Variants in ATM observed in about 807,000 individuals in gnomAD.
ATM encodes the protein ATM serine/threonine kinase.
ATM carries 308 observed loss-of-function variants against 387.0 expected under a neutral mutation model. That is an observed-to-expected ratio of 0.80 (90% CI 0.73 to 0.87). The LOEUF (loss-of-function observed/expected upper bound fraction) is 0.87. ATM is among the 40% of genes least tolerant of loss of function. The pLI, the probability that ATM is intolerant of heterozygous loss-of-function variation, is 0.00. For missense variants in ATM, 3,312 were observed against 3,560.9 expected (o/e 0.93, Z 1.78); for synonymous variants, 1,156 against 1,187.3 (o/e 0.97, Z 0.54).
At position 108,332,746 on chromosome 11, in the gene ATM, T is replaced by C. The variant is rs1472109562; in HGVS notation, c.7789-16T>C. 1.2e-6 allele frequency: 2 copies of C among 1,609,924 alleles called. No individual in the cohort carries two copies. The highest frequency in any genetic ancestry group is 2.7e-5 in the African/African-American group (2 of 74,878). Reference sequence around the variant, plus strand: ...GGGTAGTTCCTTATGTAATGTTTTTTGTTTTTTATTAATAGGATCGAACAG... The same window carrying C: ...GGGTAGTTCCTTATGTAATGTTTTTCGTTTTTTATTAATAGGATCGAACAG... On this transcript the variant is annotated splice_polypyrimidine_tract_variant and intron_variant, in intron 52 of 62. Coordinates refer to ENST00000675843, the MANE Select transcript of ATM (RefSeq NM_000051.4).
At chr11:108,267,730 G>A (rs985783541) in intron 17 of ATM, among the ~76,000 whole-genome samples, 6 of 152,090 alleles carry the variant, frequency 3.9e-5, no homozygotes, top group African/African-American at 7.2e-5. Context: ...GGTGGCGGGC[G>A]CCTGTAGTCC....
intron 16 of ATM, among the ~76,000 whole-genome samples, chr11:108,261,573 C>G (rs1320526453): frequency 6.6e-6 from 1 of 152,058 alleles, no homozygotes; most frequent in Non-Finnish European, 1.5e-5. Flanking sequence ...AAAAGCAGAG[C>G]GCCTCTCCTC....
intron 38 of ATM, chr11:108,309,088 T>G: frequency 7.2e-7 from 1 of 1,388,902 alleles, no homozygotes. Flanking sequence ...AAAGTATGAA[T>G]GGGATATAGA....
chr11:108,288,027 C>A (rs1486990397), intron 27 of ATM, among the ~76,000 whole-genome samples: 1 of 151,878 alleles, frequency 6.6e-6, no homozygotes, highest in Non-Finnish European at 1.5e-5. Flanking sequence ...ACACATTATT[C>A]CTAGTTCTCT....
intron 3 of ATM, among the ~76,000 whole-genome samples, chr11:108,228,665 G>A (rs910107616): frequency 6.6e-6 from 1 of 152,134 alleles, no homozygotes; most frequent in Admixed American, 6.5e-5. Flanking sequence ...TTTTTCCTCT[G>A]ATTTTCTAGT....
At chr11:108,239,674 T>A (rs1337614111) in intron 5 of ATM, among the ~76,000 whole-genome samples, 1 of 152,198 alleles carries the variant, frequency 6.6e-6, no homozygotes, top group Non-Finnish European at 1.5e-5. Flanking sequence ...AATTGCTAGA[T>A]CATGTGGTAA....
chr11:108,255,601 T>A (rs964256038), intron 13 of ATM, among the ~76,000 whole-genome samples: 7 of 152,016 alleles, frequency 4.6e-5, no homozygotes, highest in Admixed American at 1.3e-4. Flanking sequence ...AATATTTGTA[T>A]TTTTAGTAGA....
At chr11:108,341,578 T>C (rs1348902426) in intron 56 of ATM, among the ~76,000 whole-genome samples, 1 of 152,122 alleles carries the variant, frequency 6.6e-6, no homozygotes, top group Non-Finnish European at 1.5e-5. Flanking sequence ...CACAAAACAG[T>C]TCAACATATG....
rs35963548 is a variant in ATM at position 108,251,060 on chromosome 11, G to T, written c.1595G>T (p.Cys532Phe). Residue 532 changes from cysteine (C) to phenylalanine (F), a missense_variant, in exon 10 of 63, where the codon TGC becomes TTC. Around this residue, in one of 4 missense-constraint regions of ATM, gnomAD observed 1,791 missense variants for 1,804.5 expected, o/e 0.99. Transcript: ENST00000675843. ...TGGAAGTTATTTACTGGGTCAGCCT[G>T]CAGACCTTCATGGTAAGTTCAGCAT... Reference protein sequence around the residue: ...EFWKLFTGSACRPSCPAVCCL... With the variant: ...EFWKLFTGSAFRPSCPAVCCL... The T allele has an allele frequency of 6.2e-7, 1 of 1,614,030 alleles. No homozygotes were observed. The highest frequency in any genetic ancestry group is 8.5e-7 in the Non-Finnish European group (1 of 1,180,000).
In ATM at chr11:108,325,285, A is replaced by G. The variant is rs760869811; in HGVS notation, c.6573-25A>G. 20 of 1,151,822 alleles carry G rather than the reference A, an allele frequency of 1.7e-5. No individual in the cohort carries two copies. Among genetic ancestry groups the G allele is most frequent in the East Asian group, 2.5e-5 (1 of 39,806 alleles). The allele number at this position is 1,151,822 out of a possible 1,614,324, so 71.4% of individuals were successfully genotyped here. A position where few individuals can be genotyped will look rare whatever the true frequency, so the allele number is the denominator to read the frequency against. On this transcript the variant is annotated intron_variant, in intron 45 of 62. Transcript: ENST00000675843. ...TTTTTTTTTCATTTCTCTTGCTTACATGAACTCTATGTCGTGGCATTCAGA... is the reference window on the plus strand; with the variant it reads ...TTTTTTTTTCATTTCTCTTGCTTACGTGAACTCTATGTCGTGGCATTCAGA...
At chr11:108,313,573 A>T (rs1303865361) in intron 40 of ATM, among the ~76,000 whole-genome samples, 1 of 152,064 alleles carries the variant, frequency 6.6e-6, no homozygotes, top group Non-Finnish European at 1.5e-5. Flanking sequence ...TGTTCTGTTT[A>T]CCTTTTTGAT....
In ATM at chr11:108,284,250, C is replaced by T. The variant is rs758405529; in HGVS notation, c.3770C>T (p.Pro1257Leu). 2.5e-6 allele frequency: 4 copies of T among 1,609,714 alleles called. No individual in the cohort carries two copies. Among genetic ancestry groups the T allele is most frequent in the Non-Finnish European group, 2.5e-6 (3 of 1,176,832 alleles). ...AGATCTTGTTATAAGGTTTTGATTC[C>T]ACATCTGGTGATTAGAAGTCATTTT... Reference protein sequence around the residue: ...FYRSCYKVLIPHLVIRSHFDE... With the variant: ...FYRSCYKVLILHLVIRSHFDE... Residue 1257 changes from proline (P) to leucine (L), a missense_variant, in exon 26 of 63, where the codon CCA becomes CTA. Physicochemically the swap from Pro to Leu is moderately conservative, Grantham distance 98 (BLOSUM62 -3). Around this residue, in one of 4 missense-constraint regions of ATM, gnomAD observed 1,791 missense variants for 1,804.5 expected, o/e 0.99. Coordinates refer to ENST00000675843, the MANE Select transcript of ATM (RefSeq NM_000051.4).
chr11:108,256,866 CATAGT>C (rs895129603), intron 14 of ATM, among the ~76,000 whole-genome samples: 4 of 152,144 alleles, frequency 2.6e-5, no homozygotes, highest in African/African-American at 9.7e-5. Context: ...TTTATGGCTG[CATAGT>C]ATATCATGGT....
intron 26 of ATM, among the ~76,000 whole-genome samples, chr11:108,286,335 A>G (rs919501552): frequency 1.3e-5 from 2 of 151,350 alleles, no homozygotes; most frequent in African/African-American, 4.8e-5. Flanking sequence ...AAAAAAAAAA[A>G]AAAGAATTGT....
intron 4 of ATM, 149 bp from the exon 5 acceptor site, chr11:108,235,521 C>A: frequency 2.9e-6 from 2 of 684,538 alleles, no homozygotes; most frequent in Non-Finnish European, 4.9e-6. Context: ...ATGAATTTTG[C>A]TTGGGGCCAT....
At chr11:108,320,566 T>TA (rs1231058200) in intron 44 of ATM, among the ~76,000 whole-genome samples, 7 of 152,360 alleles carry the variant, frequency 4.6e-5, no homozygotes, top group Non-Finnish European at 8.8e-5. Flanking sequence ...TAGCCACTGT[T>TA]AGACTCTTTT....
At position 108,331,369 on chromosome 11, in the gene ATM, A is replaced by C. The variant is rs142216104; in HGVS notation, c.7516-75A>C. The C allele has an allele frequency of 1.2e-5, 18 of 1,547,536 alleles. No individual in the cohort carries two copies. In the East Asian group the frequency reaches 3.4e-4, roughly 29 times the overall value. On this transcript the variant is annotated intron_variant, in intron 50 of 62. Coordinates refer to ENST00000675843, the MANE Select transcript of ATM (RefSeq NM_000051.4). ...GCTAATAGAGGAGCACTGTCTTAAA[A>C]TAACTTACTTGCTTAGATGTGAGAA...
At chr11:108,246,777 T>TA (rs2079867213) in intron 7 of ATM, among the ~76,000 whole-genome samples, 187 bp from the exon 8 acceptor site, 1 of 152,202 alleles carries the variant, frequency 6.6e-6, no homozygotes, top group Admixed American at 6.5e-5. Context: ...TATCTAAATG[T>TA]AAAATGGACA....
intron 34 of ATM, among the ~76,000 whole-genome samples, chr11:108,300,546 C>G (rs1033922082): frequency 6.6e-6 from 1 of 152,074 alleles, no homozygotes; most frequent in African/African-American, 2.4e-5. Context: ...AAGATAAATA[C>G]GTGTTTTGAT....
Sources: gnomAD v4.1 joint callset for allele counts (sites outside exome capture counted in the v4.1 genomes callset) on GRCh38, gnomAD v4.1.1 for gene constraint, gnomAD v4.1.1 regional missense constraint, MANE v1.5 for transcripts, NCBI Gene and HGNC (gene_info 2026-07-23, HGNC 2026-07-21) for gene names.